Variants in FBXO11 observed in about 807,000 individuals in gnomAD.
FBXO11 encodes F-box only protein 11.
Under a neutral mutation model 117.0 loss-of-function variants are expected in FBXO11, and 13 were observed. The ratio of observed to expected loss-of-function variants is 0.11; its 90% confidence interval spans 0.07 to 0.18. FBXO11 has a LOEUF of 0.18. Among genes scored for constraint, FBXO11 ranks in the 10% least tolerant of loss-of-function variants. FBXO11 has a pLI of 1.00. For synonymous variants in FBXO11, 490 were observed against 380.5 expected (o/e 1.29, Z -3.35); for missense variants, 767 against 1,164.4 (o/e 0.66, Z 4.97).
At chr2:47,841,678 G>A (rs967825164) in intron 1 of FBXO11, among the ~76,000 whole-genome samples, 3 of 152,104 alleles carry the variant, frequency 2.0e-5, no homozygotes, top group Non-Finnish European at 2.9e-5. Context: ...GTCTCGCTGT[G>A]TCGCCAGGCT....
chr2:47,832,244 A>T lies in FBXO11; in HGVS notation c.1398+105T>A. On this transcript the variant is annotated intron_variant, in intron 11 of 22. Transcript: ENST00000403359. Reference sequence around the variant, plus strand: ...ATGCTGAAATTGCTTTTAAACCTATACTCTTCAATTCAGATAATTTGGTGA... The same window carrying T: ...ATGCTGAAATTGCTTTTAAACCTATTCTCTTCAATTCAGATAATTTGGTGA... The T allele has an allele frequency of 4.4e-6, 4 of 914,876 alleles. No individual in the cohort carries two copies. The East Asian group carries it at 7.7e-5, about 18-fold the overall frequency. 56.7% of individuals were successfully genotyped at this position (914,876 alleles called of 1,614,324 possible). A position where few individuals can be genotyped will look rare whatever the true frequency, so the allele number is the denominator to read the frequency against.
At chr2:47,866,401 A>C (rs1675199629) in intron 1 of FBXO11, among the ~76,000 whole-genome samples, 1 of 152,026 alleles carries the variant, frequency 6.6e-6, no homozygotes, top group African/African-American at 2.4e-5. Context: ...GGGTATCTAA[A>C]AGTTCTTCCA....
chr2:47,810,503 G>A (rs960657494), intron 18 of FBXO11, 77 bp from the exon 19 acceptor site: 9 of 868,120 alleles, frequency 1.0e-5, no homozygotes, highest in Non-Finnish European at 1.5e-5. Flanking sequence ...ATTTAGGTTT[G>A]CTTTTAGTTT....
intron 1 of FBXO11, among the ~76,000 whole-genome samples, chr2:47,891,751 G>T (rs1677272879): frequency 6.6e-6 from 1 of 151,992 alleles, no homozygotes; most frequent in Admixed American, 6.6e-5. Context: ...TGTATAAGGG[G>T]TTCAATTTCT....
At chr2:47,847,004 G>A (rs1182108525) in intron 1 of FBXO11, among the ~76,000 whole-genome samples, 2 of 152,156 alleles carry the variant, frequency 1.3e-5, no homozygotes, top group Non-Finnish European at 2.9e-5. Context: ...CTGCACTTTA[G>A]GAGGCCAAGG....
chr2:47,845,309 A>C (rs1344273597), intron 1 of FBXO11, among the ~76,000 whole-genome samples: 1 of 152,222 alleles, frequency 6.6e-6, no homozygotes, highest in East Asian at 1.9e-4. Context: ...TACATGATTT[A>C]AGTCATGAAT....
chr2:47,847,063 G>A (rs532136287), intron 1 of FBXO11, among the ~76,000 whole-genome samples: 2 of 152,292 alleles, frequency 1.3e-5, no homozygotes, highest in African/African-American at 4.8e-5. Context: ...GGCCAACATG[G>A]TGAAACCCTA....
At chr2:47,823,007 AC>A in intron 12 of FBXO11, 135 bp downstream of exon 12, 2 of 600,818 alleles carry the variant, frequency 3.3e-6, no homozygotes, top group Non-Finnish European at 5.6e-6. Flanking sequence ...AGATGCACAG[AC>A]TTTAACTAGG....
chr2:47,886,858 A>AC (rs771171444), intron 1 of FBXO11, among the ~76,000 whole-genome samples: 16 of 151,744 alleles, frequency 1.1e-4, no homozygotes, highest in Admixed American at 7.2e-4. Flanking sequence ...ACACAATGAG[A>AC]CCCCTGTCTC....
intron 1 of FBXO11, among the ~76,000 whole-genome samples, chr2:47,878,232 A>C (rs778876227): frequency 2.0e-5 from 3 of 152,142 alleles, no homozygotes; most frequent in African/African-American, 7.2e-5. Flanking sequence ...CAATCTGTCT[A>C]CCAATATACA....
intron 11 of FBXO11, among the ~76,000 whole-genome samples, chr2:47,831,597 A>G (rs1186349904): frequency 6.6e-6 from 1 of 152,100 alleles, no homozygotes; most frequent in Non-Finnish European, 1.5e-5. Flanking sequence ...TCCGCAACAA[A>G]AAATTTTACC....
intron 16 of FBXO11, chr2:47,814,242 AT>A: frequency 5.3e-6 from 1 of 188,890 alleles, no homozygotes; most frequent in South Asian, 1.1e-4. Flanking sequence ...AGTCGCATCA[AT>A]TTTTTGGTTT....
chr2:47,857,214 C>G (rs1674366064), intron 1 of FBXO11, among the ~76,000 whole-genome samples: 1 of 152,072 alleles, frequency 6.6e-6, no homozygotes, highest in South Asian at 2.1e-4. Context: ...TACAAACTGC[C>G]CCATAAACAA....
At chr2:47,853,300 G>A (rs1486821315) in intron 1 of FBXO11, among the ~76,000 whole-genome samples, 1 of 152,008 alleles carries the variant, frequency 6.6e-6, no homozygotes, top group African/African-American at 2.4e-5. Context: ...TCGAACTTCT[G>A]ACCTCGTGAT....
chr2:47,817,589 T>A (rs1000846796), intron 16 of FBXO11, among the ~76,000 whole-genome samples: 1 of 152,218 alleles, frequency 6.6e-6, no homozygotes, highest in Admixed American at 6.5e-5. Flanking sequence ...TCACTAACCT[T>A]CATCATTTCT....
chr2:47,877,596 G>A (rs772990625), intron 1 of FBXO11, among the ~76,000 whole-genome samples: 4 of 152,234 alleles, frequency 2.6e-5, no homozygotes, highest in South Asian at 2.1e-4. Context: ...TGGTGTGTGT[G>A]TATCTTTGTG....
chr2:47,906,126 G>C lies in FBXO11; in HGVS notation c.-406C>G. ...ATCCCGGTCCCGCCGACTCGCGAGCGGCGTCTCCGGCAGCGGGGGGAGTGG... is the reference window on the plus strand; with the variant it reads ...ATCCCGGTCCCGCCGACTCGCGAGCCGCGTCTCCGGCAGCGGGGGGAGTGG... On this transcript the variant is annotated 5_prime_UTR_variant, in exon 1 of 23. Coordinates refer to ENST00000403359, the MANE Select transcript of FBXO11 (RefSeq NM_001190274.2). The C allele has an allele frequency of 5.0e-6, 1 of 200,064 alleles. No individual in the cohort carries two copies. Among genetic ancestry groups the C allele is most frequent in the Non-Finnish European group, 1.0e-5 (1 of 98,492 alleles). The allele number at this position is 200,064 out of a possible 1,614,324, so 12.4% of individuals were successfully genotyped here.
chr2:47,835,265 C>T (rs932306388), intron 5 of FBXO11, among the ~76,000 whole-genome samples: 3 of 152,148 alleles, frequency 2.0e-5, no homozygotes, highest in Non-Finnish European at 2.9e-5. Flanking sequence ...AAATCATCTC[C>T]AGCTGAGACT....
chr2:47,888,668 G>T (rs1677043844), intron 1 of FBXO11: 1 of 983,484 alleles, frequency 1.0e-6, no homozygotes, highest in Non-Finnish European at 1.2e-6. Flanking sequence ...AAAATTTCCT[G>T]TTAGACAGTT....
Sources: allele counts gnomAD v4.1 joint callset (sites outside exome capture counted in the v4.1 genomes callset), GRCh38; gene constraint gnomAD v4.1.1; transcripts MANE v1.5; gene names NCBI Gene and HGNC (gene_info 2026-07-23, HGNC 2026-07-21).